The following RREB1 variants were observed in gnomAD, a reference collection of about 807,000 sequenced individuals.
The protein encoded by RREB1 is ras-responsive element-binding protein 1.
RREB1 carries 27 observed loss-of-function variants against 117.8 expected under a neutral mutation model. The observed-to-expected ratio is 0.23, with a 90% confidence interval of 0.17 to 0.32. The LOEUF (loss-of-function observed/expected upper bound fraction) is 0.32. RREB1 is among the 10% of genes least tolerant of loss of function. The pLI is 1.00. For synonymous variants in RREB1, 1,298 were observed against 1,026.7 expected, an observed-to-expected ratio of 1.26 and a Z score of -5.05; for missense variants, 2,577 against 2,378.2, an observed-to-expected ratio of 1.08 and a Z score of -1.74.
In RREB1 at chr6:7,201,179, G is replaced by A. The variant is rs796943692; in HGVS notation, c.426-9625G>A. On this transcript the variant is annotated intron_variant, in intron 6 of 12. Coordinates refer to ENST00000379938, the MANE Select transcript of RREB1 (RefSeq NM_001003699.4). Reference sequence around the variant, plus strand: ...GGTGTCCTCTCCCACCATGCCCCTCGTCTGATGCACTGAGAACTTTGAACA... The same window carrying A: ...GGTGTCCTCTCCCACCATGCCCCTCATCTGATGCACTGAGAACTTTGAACA... Among the ~76,000 whole-genome samples the A allele has an allele frequency of 5.6e-4, 85 of 152,262 alleles. 1 individual carries two copies. The highest frequency in any genetic ancestry group is 1.9e-3 in the African/African-American group (77 of 41,544).
In RREB1 at chr6:7,172,950, A is replaced by G. The variant is rs534766739; in HGVS notation, c.-284-3705A>G. 6.6e-5 allele frequency among the ~76,000 whole-genome samples: 10 copies of G among 152,198 alleles called. No homozygotes were observed. The East Asian group carries it at 1.7e-3, about 26-fold the overall frequency. The stretch of plus-strand genomic sequence containing the variant: ...CAAGACTCAGCCCATCCTTCAAGAG[A>G]TGCCTTTGCTGTTTGTCAAGCTCCC... On this transcript the variant is annotated intron_variant, in intron 1 of 12. Transcript: ENST00000379938.
rs955057468 is a variant in RREB1 at position 7,229,859 on chromosome 6, C to G, written c.1760C>G (p.Pro587Arg). ...LSLQQPRAEL[P>R]GQPEMKTQLE... ...CTGCAGCAGCCGCGGGCGGAGCTGC[C>G]GGGCCAGCCTGAGATGAAGACGCAG... Residue 587 changes from proline to arginine, a missense_variant, in exon 10 of 13, where the codon CCG (proline) becomes CGG (arginine). Coordinates refer to ENST00000379938, the MANE Select transcript of RREB1 (RefSeq NM_001003699.4). This position sits in a 1 kb window ranked among gnomAD's most constrained non-coding sequence, Gnocchi z 4.5. 20 of 1,610,430 alleles carry G rather than the reference C, an allele frequency of 1.2e-5. No homozygotes were observed. The highest frequency in any genetic ancestry group is 1.3e-5 in the African/African-American group (1 of 74,994).
chr6:7,111,328 A>C (rs1761135570), intron 1 of RREB1, among the ~76,000 whole-genome samples: 1 of 152,190 alleles, frequency 6.6e-6, no homozygotes. Context: ...CAGCTAAGGA[A>C]ATGTCCTAGT....
intron 1 of RREB1, among the ~76,000 whole-genome samples, chr6:7,150,433 A>G (rs1168124704): frequency 1.3e-5 from 2 of 152,210 alleles, no homozygotes; most frequent in East Asian, 3.8e-4. Context: ...TTTTCTCCAT[A>G]AGAGAAATTG....
intron 9 of RREB1, among the ~76,000 whole-genome samples, chr6:7,227,170 A>T (rs770917758): frequency 3.3e-5 from 5 of 151,844 alleles, no homozygotes; most frequent in African/African-American, 4.8e-5. Flanking sequence ...TGAGCCCAGG[A>T]GGTTGAGGCT....
chr6:7,120,125 C>T (rs1334652595), intron 1 of RREB1, among the ~76,000 whole-genome samples: 1 of 141,698 alleles, frequency 7.1e-6, no homozygotes, highest in Non-Finnish European at 1.5e-5. Flanking sequence ...TTAGCTATTT[C>T]TTTACTTGCA....
At chr6:7,113,186 C>A (rs1029757682) in intron 1 of RREB1, among the ~76,000 whole-genome samples, 1 of 152,178 alleles carries the variant, frequency 6.6e-6, no homozygotes, top group Non-Finnish European at 1.5e-5. Flanking sequence ...CACCTGAGGG[C>A]TTGCAGACAT....
chr6:7,116,378 T>C (rs1761398473), intron 1 of RREB1, among the ~76,000 whole-genome samples: 1 of 152,232 alleles, frequency 6.6e-6, no homozygotes, highest in African/African-American at 2.4e-5. Flanking sequence ...GCTTAAATAC[T>C]ACCTCTTCTA....
Position 7,230,087 on chromosome 6 carries a change from G to A in RREB1, c.1988G>A (p.Arg663His), listed in dbSNP as rs780644915. The A allele has an allele frequency of 7.5e-6, 12 of 1,601,150 alleles. No homozygotes were observed. Among genetic ancestry groups the A allele is most frequent in the South Asian group, 2.2e-5 (2 of 90,526 alleles). The change falls in exon 10 of 13, where the codon CGC becomes CAC. Residue 663 changes from arginine (R) to histidine (H), a missense_variant. Arg to His is a conservative substitution (Grantham distance 29). Coordinates refer to ENST00000379938, the MANE Select transcript of RREB1 (RefSeq NM_001003699.4). ...AFSGVLRAHV[R>H]SHLGISPYQC... ...TCGGGGGTCTTGCGTGCCCACGTGCGCTCCCACCTGGGCATCTCGCCATAC... is the reference window on the plus strand; with the variant it reads ...TCGGGGGTCTTGCGTGCCCACGTGCACTCCCACCTGGGCATCTCGCCATAC...
intron 1 of RREB1, among the ~76,000 whole-genome samples, chr6:7,150,044 C>A (rs934900212): frequency 1.4e-5 from 2 of 138,534 alleles, no homozygotes; most frequent in African/African-American, 5.4e-5. Context: ...TAATTTTATT[C>A]TTCTCAGTAG....
At chr6:7,171,724 G>A (rs1764220032) in intron 1 of RREB1, among the ~76,000 whole-genome samples, 1 of 152,162 alleles carries the variant, frequency 6.6e-6, no homozygotes, top group South Asian at 2.1e-4. Flanking sequence ...TTAGAGGTGA[G>A]TGTGTCCTGG....
chr6:7,211,811 C>G, intron 8 of RREB1, 102 bp downstream of exon 8: 1 of 1,257,498 alleles, frequency 8.0e-7, no homozygotes, highest in Admixed American at 2.1e-5. Context: ...AGTGATTGAA[C>G]TTGGGCACAA....
chr6:7,238,478 C>G (rs745523108), intron 10 of RREB1, among the ~76,000 whole-genome samples: 4 of 152,246 alleles, frequency 2.6e-5, no homozygotes, highest in Non-Finnish European at 5.9e-5. Context: ...CTCAAGTGAT[C>G]TGCTCACCTT....
At chr6:7,192,906 A>G (rs975782376) in intron 6 of RREB1, among the ~76,000 whole-genome samples, 1 of 152,200 alleles carries the variant, frequency 6.6e-6, no homozygotes, top group African/African-American at 2.4e-5. Flanking sequence ...AACTTTTTAA[A>G]TACAGGCTTT....
At position 7,230,040 on chromosome 6, in the gene RREB1, C is replaced by T. The variant is rs1226728174; in HGVS notation, c.1941C>T (p.Phe647=). 1.9e-6 allele frequency: 3 copies of T among 1,610,438 alleles called. No homozygotes were observed. The highest frequency in any genetic ancestry group is 1.1e-5 in the South Asian group (1 of 90,946). Residue 647 remains phenylalanine (F), a synonymous_variant, in exon 10 of 13, where the codon TTC becomes TTT. Transcript: ENST00000379938. ...AMRKVLYPCR[F]CNQVFAFSGV... The stretch of plus-strand genomic sequence containing the variant: ...GCAAGGTGCTCTACCCCTGCCGCTT[C>T]TGCAACCAGGTGTTTGCCTTCTCGG...
chr6:7,164,305 C>A (rs1259204881), intron 1 of RREB1, among the ~76,000 whole-genome samples: 1 of 152,150 alleles, frequency 6.6e-6, no homozygotes, highest in East Asian at 1.9e-4. Context: ...TCTCCTTTCC[C>A]CCACCCGGTT....
intron 10 of RREB1, among the ~76,000 whole-genome samples, chr6:7,237,275 CAG>C (rs1768394577): frequency 6.6e-6 from 1 of 152,086 alleles, no homozygotes; most frequent in Non-Finnish European, 1.5e-5. Flanking sequence ...TTAGTAGAGA[CAG>C]GGTTTCACCA....
At chr6:7,121,367 C>T (rs1254857242) in intron 1 of RREB1, among the ~76,000 whole-genome samples, 1 of 152,178 alleles carries the variant, frequency 6.6e-6, no homozygotes, top group Non-Finnish European at 1.5e-5. Flanking sequence ...CAAGCTAGGA[C>T]TCTCACAGTG....
intron 6 of RREB1, among the ~76,000 whole-genome samples, chr6:7,206,836 C>T (rs1167101763): frequency 6.6e-6 from 1 of 152,104 alleles, no homozygotes; most frequent in Non-Finnish European, 1.5e-5. Flanking sequence ...ATCTTGAGTC[C>T]CAGAGGCGGG....
Sources: gnomAD v4.1 joint callset for allele counts (sites outside exome capture counted in the v4.1 genomes callset) on GRCh38, gnomAD v4.1.1 for gene constraint, Gnocchi (gnomAD v3.1) non-coding constraint, MANE v1.5 for transcripts, NCBI Gene and HGNC (gene_info 2026-07-23, HGNC 2026-07-21) for gene names.